The following IMP4 variants were observed in gnomAD, a reference collection of about 807,000 sequenced individuals.
IMP4 encodes IMP U3 small nucleolar ribonucleoprotein 4.
In IMP4, 30 loss-of-function variants were observed where a neutral mutation model predicts 42.7. That is an observed-to-expected ratio of 0.70 (90% CI 0.53 to 0.95). The LOEUF is 0.95. IMP4 is among the 40% of genes least tolerant of loss of function. IMP4 has a pLI of 0.00. For synonymous variants in IMP4, 165 were observed against 165.2 expected (o/e 1.00, Z 0.01); for missense variants, 382 against 411.4 (o/e 0.93, Z 0.62).
rs1482723490 is a variant in IMP4, at chr2:130,347,004, T to TC, written c.*538dup. ...ATTAACATAATGTTCTCCAGGTTCCTCCATGTTATTGCAAATGATAGGATT... is the reference window on the plus strand; with the variant it reads ...ATTAACATAATGTTCTCCAGGTTCCTCCCATGTTATTGCAAATGATAGGATT... On this transcript the variant is annotated 3_prime_UTR_variant, in exon 9 of 9. Coordinates refer to ENST00000259239, the MANE Select transcript of IMP4 (RefSeq NM_033416.3). 6.3e-6 allele frequency: 1 copy of TC among 157,952 alleles called. No homozygotes were observed. The highest frequency in any genetic ancestry group is 2.4e-5 in the African/African-American group (1 of 41,524). 9.8% of individuals were successfully genotyped at this position (157,952 alleles called of 1,614,324 possible).
In IMP4 at chr2:130,343,100, C is replaced by T; in HGVS notation, c.18C>T (p.Ala6=). The change falls in exon 2 of 9, where the codon GCC becomes GCT. Residue 6 remains alanine, a synonymous_variant. Transcript: ENST00000259239. ...TGTTCCCACAGCTGCGCCGCGAGGC[C>T]CGCCTGCGCCGCGAGTACCTGTACC... The part of the protein sequence containing the change: MLRRE[A]RLRREYLYRK... 1.3e-6 allele frequency: 2 copies of T among 1,555,296 alleles called. No individual in the cohort carries two copies. The highest frequency in any genetic ancestry group is 1.2e-5 in the South Asian group (1 of 86,470).
At chr2:130,344,818 TC>T (rs1268712257) in intron 3 of IMP4, 106 bp downstream of exon 3, 4 of 785,230 alleles carry the variant, frequency 5.1e-6, no homozygotes, top group Non-Finnish European at 9.0e-6. Flanking sequence ...CCTGGAACTG[TC>T]CCCCATGCCC....
At position 130,345,585 on chromosome 2, in the gene IMP4, C is replaced by T; in HGVS notation, c.325C>T (p.Pro109Ser). Residue 109 changes from proline (P) to serine (S), a missense_variant, in exon 5 of 9, where the codon CCG becomes TCG. Physicochemically the swap from Pro to Ser is moderately conservative, Grantham distance 74 (BLOSUM62 -1). Transcript: ENST00000259239. The surrounding 1 kb of genome is among the most constrained non-coding windows in gnomAD (Gnocchi z 4.9). ...CGCCCAGGAGCTGAAGCTGGTGTTC[C>T]CGGGCGCCCAGCGAATGAACCGAGG... The part of the protein sequence containing the change: ...MFAKELKLVF[P>S]GAQRMNRGRH... 6.2e-7 allele frequency: 1 copy of T among 1,614,150 alleles called. No homozygotes were observed. Among genetic ancestry groups the T allele is most frequent in the East Asian group, 2.2e-5 (1 of 44,866 alleles).
chr2:130,343,494 C>T (rs1679224037), intron 2 of IMP4: 1 of 532,736 alleles, frequency 1.9e-6, no homozygotes, highest in African/African-American at 1.9e-5. Context: ...TGCTGTAATC[C>T]CAGCACTTTG....
Position 130,346,208 on chromosome 2 carries a change from G to A in IMP4, c.697G>A (p.Val233Met). 1.2e-6 allele frequency: 2 copies of A among 1,614,090 alleles called. No homozygotes were observed. Among genetic ancestry groups the A allele is most frequent in the South Asian group, 2.2e-5 (2 of 91,072 alleles). ...ACAGCTGTTCCCTCCCAGGCACCAT[G>A]TGTATAAGAAGACAGACCACCGCAA... ...QDDYISFRHH[V>M]YKKTDHRNVE... The change falls in exon 8 of 9, where the codon GTG becomes ATG. Residue 233 changes from valine to methionine, a missense_variant. Val to Met is a conservative substitution (Grantham distance 21). Coordinates refer to ENST00000259239, the MANE Select transcript of IMP4 (RefSeq NM_033416.3).
chr2:130,346,194 C>G lies in IMP4; in HGVS notation c.690-7C>G, dbSNP rs1558832056. ...CTTGCCGTTGACCCACAGCTGTTCC[C>G]TCCCAGGCACCATGTGTATAAGAAG... On this transcript the variant is annotated splice_polypyrimidine_tract_variant and splice_region_variant and intron_variant, in intron 7 of 8. Coordinates refer to ENST00000259239, the MANE Select transcript of IMP4 (RefSeq NM_033416.3). The G allele has an allele frequency of 6.2e-7, 1 of 1,614,166 alleles. No individual in the cohort carries two copies. Among genetic ancestry groups the G allele is most frequent in the Non-Finnish European group, 8.5e-7 (1 of 1,179,988 alleles).
Position 130,345,489 on chromosome 2 carries a change from C to T in IMP4, c.306+4C>T. On this transcript the variant is annotated splice_donor_region_variant and intron_variant, in intron 4 of 8. Coordinates refer to ENST00000259239, the MANE Select transcript of IMP4 (RefSeq NM_033416.3). This position sits in a 1 kb window ranked among gnomAD's most constrained non-coding sequence, Gnocchi z 4.9. Reference sequence around the variant, plus strand: ...CCGCCTCAAGATGTTTGCAAAGGTACTGGTGAGCAGGGAGTGAGGGAGAGA... The same window carrying T: ...CCGCCTCAAGATGTTTGCAAAGGTATTGGTGAGCAGGGAGTGAGGGAGAGA... 6.2e-7 allele frequency: 1 copy of T among 1,614,026 alleles called. No individual in the cohort carries two copies. The highest frequency in any genetic ancestry group is 8.5e-7 in the Non-Finnish European group (1 of 1,179,948).
In IMP4 at chr2:130,345,322, G is replaced by A; in HGVS notation, c.197-54G>A. 1 of 1,442,198 alleles carries A rather than the reference G, an allele frequency of 6.9e-7. No individual in the cohort carries two copies. 89.3% of individuals were successfully genotyped at this position (1,442,198 alleles called of 1,614,324 possible). On this transcript the variant is annotated intron_variant, in intron 3 of 8. Coordinates refer to ENST00000259239, the MANE Select transcript of IMP4 (RefSeq NM_033416.3). This position sits in a 1 kb window ranked among gnomAD's most constrained non-coding sequence, Gnocchi z 4.9. ...TCCAGGCGGTCTTGGCTGCCCCGAA[G>A]TTAGCATTTCATTCCCAAGACTGTC...
chr2:130,344,635 G>A lies in IMP4; in HGVS notation c.119G>A (p.Arg40His), dbSNP rs777096793. ...ERLRRALEEN[R>H]LIPTELRREA... ...CTCTCTCTTCCCTCTGCAGAAAACC[G>A]CCTGATTCCCACTGAGTTACGCCGA... The change falls in exon 3 of 9, where the codon CGC (arginine) becomes CAC (histidine). Residue 40 changes from arginine (R) to histidine (H), a missense_variant. Arg to His is a conservative substitution (Grantham distance 29). Coordinates refer to ENST00000259239, the MANE Select transcript of IMP4 (RefSeq NM_033416.3). 8.7e-6 allele frequency: 14 copies of A among 1,613,490 alleles called. No individual in the cohort carries two copies. Among genetic ancestry groups the A allele is most frequent in the Middle Eastern group, 1.6e-4 (1 of 6,084 alleles).
Position 130,346,051 on chromosome 2 carries a change from C to T in IMP4, c.628C>T (p.Pro210Ser), listed in dbSNP as rs114061533. The change falls in exon 7 of 9, where the codon CCC (proline) becomes TCC (serine). Residue 210 changes from proline (P) to serine (S), a missense_variant. Coordinates refer to ENST00000259239, the MANE Select transcript of IMP4 (RefSeq NM_033416.3). ...SDILRYLFPVPKDDSHRVITF... is the reference protein window; with the variant it reads ...SDILRYLFPVSKDDSHRVITF... Reference sequence around the variant, plus strand: ...CATCCTCCGATACCTATTTCCCGTGCCCAAAGATGACAGCCACCGGGTCAT... The same window carrying T: ...CATCCTCCGATACCTATTTCCCGTGTCCAAAGATGACAGCCACCGGGTCAT... 1,866 of 1,614,202 alleles carry T rather than the reference C, an allele frequency of 1.2e-3. 15 individuals carry two copies. In the African/African-American group the frequency reaches 0.02, roughly 17 times the overall value.
At position 130,342,905 on chromosome 2, in the gene IMP4, C is replaced by T. The variant is rs750427114; in HGVS notation, c.-28C>T. 9 of 1,613,852 alleles carry T rather than the reference C, an allele frequency of 5.6e-6. No individual in the cohort carries two copies. In the East Asian group the frequency reaches 8.9e-5, roughly 16 times the overall value. ...GCGCTGGAGGAGCCCACAGATTCTC[C>T]CGGACCCACGTGGAAGCGGCACTCA... is the stretch of plus-strand genomic sequence containing the variant. On this transcript the variant is annotated 5_prime_UTR_variant, in exon 1 of 9. Transcript: ENST00000259239.
Position 130,345,995 on chromosome 2 carries a change from C to T in IMP4, c.595-23C>T. The T allele has an allele frequency of 6.2e-7, 1 of 1,614,162 alleles. No homozygotes were observed. Among genetic ancestry groups the T allele is most frequent in the Non-Finnish European group, 8.5e-7 (1 of 1,179,986 alleles). ...AGGCCAGGCATTTGCCACTCTGTTT[C>T]CCTCTCTTTCCTTGTGCCCCAGGTC... On this transcript the variant is annotated intron_variant, in intron 6 of 8. Transcript: ENST00000259239. The surrounding 1 kb of genome is among the most constrained non-coding windows in gnomAD (Gnocchi z 4.9).
At chr2:130,343,285 C>A in intron 2 of IMP4, 91 bp downstream of exon 2, 2 of 961,112 alleles carry the variant, frequency 2.1e-6, no homozygotes, top group South Asian at 1.4e-5. Context: ...AAATGCTTGC[C>A]GGCCGTTTTC....
intron 2 of IMP4, among the ~76,000 whole-genome samples, chr2:130,343,916 C>G (rs534772476): frequency 6.6e-6 from 1 of 152,290 alleles, no homozygotes; most frequent in African/African-American, 2.4e-5. Flanking sequence ...GTCCAGGGCC[C>G]GCTGAAGCCA....
Position 130,346,412 on chromosome 2 carries a change from C to A in IMP4, c.820C>A (p.Arg274Ser), listed in dbSNP as rs867892713. The A allele has an allele frequency of 1.3e-6, 2 of 1,573,756 alleles. No individual in the cohort carries two copies. Among genetic ancestry groups the A allele is most frequent in the African/African-American group, 1.3e-5 (1 of 74,308 alleles). The change falls in exon 9 of 9, where the codon CGC becomes AGC. Residue 274 changes from arginine (R) to serine (S), a missense_variant. Arg to Ser is a moderately radical substitution (Grantham distance 110, BLOSUM62 -1). Transcript: ENST00000259239. ...EQEATADVEW[R>S]WHPYTNTARK... ...GGAGGCCACAGCAGACGTGGAGTGG[C>A]GCTGGCACCCTTACACCAATACCGC...
chr2:130,344,948 T>G, intron 3 of IMP4: 1 of 586,372 alleles, frequency 1.7e-6, no homozygotes. Context: ...CCTCCCCCAC[T>G]GGAGTGCCTG....
intron 2 of IMP4, chr2:130,343,456 A>G (rs999372565): frequency 3.1e-6 from 2 of 651,682 alleles, no homozygotes; most frequent in East Asian, 6.1e-5. Context: ...CTTGTCCTGT[A>G]GAAATTCTCT....
chr2:130,345,569 G>C lies in IMP4; in HGVS notation c.309G>C (p.Glu103Asp). 2 of 1,614,186 alleles carry C rather than the reference G, an allele frequency of 1.2e-6. No homozygotes were observed. The highest frequency in any genetic ancestry group is 1.7e-6 in the Non-Finnish European group (2 of 1,180,036). ...TGTACACTGCCATCCACGCCCAGGA[G>C]CTGAAGCTGGTGTTCCCGGGCGCCC... Reference protein sequence around the residue: ...PSSRLKMFAKELKLVFPGAQR... With the variant: ...PSSRLKMFAKDLKLVFPGAQR... Residue 103 changes from glutamate to aspartate, a missense_variant and splice_region_variant, in exon 5 of 9, where the codon GAG becomes GAC. Transcript: ENST00000259239. The surrounding 1 kb of genome is among the most constrained non-coding windows in gnomAD (Gnocchi z 4.9).
In IMP4 at chr2:130,346,238, G is replaced by A; in HGVS notation, c.727G>A (p.Glu243Lys). Residue 243 changes from glutamate to lysine, a missense_variant, in exon 8 of 9, where the codon GAG becomes AAG. Transcript: ENST00000259239. Reference protein sequence around the residue: ...VYKKTDHRNVELTEVGPRFEL... With the variant: ...VYKKTDHRNVKLTEVGPRFEL... ...TAAGAAGACAGACCACCGCAACGTG[G>A]AGCTCACTGAGGTCGGGCCCCGCTT... 6.2e-7 allele frequency: 1 copy of A among 1,614,176 alleles called. No homozygotes were observed. Among genetic ancestry groups the A allele is most frequent in the Non-Finnish European group, 8.5e-7 (1 of 1,180,030 alleles).
Sources: allele counts gnomAD v4.1 joint callset (sites outside exome capture counted in the v4.1 genomes callset), GRCh38; gene constraint gnomAD v4.1.1; non-coding constraint Gnocchi (gnomAD v3.1); transcripts MANE v1.5; gene names NCBI Gene and HGNC (gene_info 2026-07-23, HGNC 2026-07-21).